The following TDP2 variants were observed in gnomAD, a reference collection of about 807,000 sequenced individuals.
TDP2 encodes the protein 5'-Tyr-DNA phosphodiesterase.
A neutral mutation model predicts 42.8 loss-of-function variants in TDP2; 38 were observed. The observed-to-expected ratio is 0.89, with a 90% CI of 0.68 to 1.16. The LOEUF (loss-of-function observed/expected upper bound fraction) is 1.16, where lower values mean the gene tolerates loss of function less well. TDP2 is among the 50% of genes most tolerant of loss of function. TDP2 has a pLI of 0.00. For synonymous variants in TDP2, 173 were observed against 150.6 expected (o/e 1.15, Z -1.09); for missense variants, 439 against 439.3 (o/e 1.00, Z 0.01).
intron 2 of TDP2, among the ~76,000 whole-genome samples, chr6:24,664,845 A>C (rs1410322060): frequency 6.6e-6 from 1 of 152,170 alleles, no homozygotes; most frequent in Non-Finnish European, 1.5e-5. Flanking sequence ...ACCACAGCCT[A>C]ATCAACACCT....
chr6:24,665,000 T>C (rs527545938), intron 2 of TDP2, among the ~76,000 whole-genome samples: 1 of 152,310 alleles, frequency 6.6e-6, no homozygotes, highest in Admixed American at 6.5e-5. Context: ...TACAATATAG[T>C]CTGTTGCAAC....
intron 2 of TDP2, among the ~76,000 whole-genome samples, chr6:24,660,554 T>C (rs1778125081): frequency 6.6e-6 from 1 of 152,250 alleles, no homozygotes; most frequent in Non-Finnish European, 1.5e-5. Flanking sequence ...TGCAGTTTGT[T>C]GTCAATAGAG....
At chr6:24,663,205 T>C (rs2127618721) in intron 2 of TDP2, among the ~76,000 whole-genome samples, 1 of 152,302 alleles carries the variant, frequency 6.6e-6, no homozygotes, top group South Asian at 2.1e-4. Context: ...ATCTATTAGC[T>C]CACTTAATCC....
At chr6:24,651,632 C>T (rs1227001457) in intron 6 of TDP2, among the ~76,000 whole-genome samples, 2 of 15,550 alleles carry the variant, frequency 1.3e-4, no homozygotes, top group African/African-American at 4.1e-4. Context: ...CACTCTGTTG[C>T]CCAGGATGGA....
chr6:24,666,575 C>T lies in TDP2; in HGVS notation c.202G>A (p.Glu68Lys), dbSNP rs762798149. 1 of 1,614,216 alleles carries T rather than the reference C, an allele frequency of 6.2e-7. No homozygotes were observed. Among genetic ancestry groups the T allele is most frequent in the East Asian group, 2.2e-5 (1 of 44,892 alleles). Residue 68 changes from glutamate to lysine, a missense_variant, in exon 2 of 7, where the codon GAG becomes AAG. Physicochemically the swap from Glu to Lys is moderately conservative, Grantham distance 56. Coordinates refer to ENST00000378198, the MANE Select transcript of TDP2 (RefSeq NM_016614.3). ...LNSYFEPPVE[E>K]SALERRPETI... ...TCAGGTCGGCGTTCCAAGGCGCTCT[C>T]CTCCACCGGAGGCTCGAAGTAGGAG...
intron 2 of TDP2, among the ~76,000 whole-genome samples, chr6:24,664,853 C>T (rs1778205299): frequency 6.6e-6 from 1 of 152,172 alleles, no homozygotes; most frequent in South Asian, 2.1e-4. Context: ...CTAATCAACA[C>T]CTTTGCTTGT....
chr6:24,657,157 T>C (rs1296660892), intron 4 of TDP2, among the ~76,000 whole-genome samples: 1 of 152,238 alleles, frequency 6.6e-6, no homozygotes, highest in African/African-American at 2.4e-5. Context: ...CCTCTGTATC[T>C]GCATCCACAA....
At chr6:24,659,709 T>C (rs1443774455) in intron 2 of TDP2, among the ~76,000 whole-genome samples, 1 of 152,230 alleles carries the variant, frequency 6.6e-6, no homozygotes, top group African/African-American at 2.4e-5. Flanking sequence ...GAACTGCAAA[T>C]TCTTTGCTAC....
Position 24,666,560 on chromosome 6 carries a change from G to C in TDP2, c.217C>G (p.Arg73Gly). ...GGCTCAGAGATGGTTTCAGGTCGGC[G>C]TTCCAAGGCGCTCTCCTCCACCGGA... is the stretch of plus-strand genomic sequence containing the variant. ...EPPVEESALE[R>G]RPETISEPKT... Residue 73 changes from arginine to glycine, a missense_variant, in exon 2 of 7, where the codon CGC becomes GGC. Arg to Gly is a moderately radical substitution (Grantham distance 125). Transcript: ENST00000378198. The C allele has an allele frequency of 6.2e-7, 1 of 1,614,128 alleles. No individual in the cohort carries two copies. The highest frequency in any genetic ancestry group is 8.5e-7 in the Non-Finnish European group (1 of 1,179,980).
intron 5 of TDP2, 137 bp downstream of exon 5, chr6:24,654,275 G>C (rs1778023016): frequency 2.0e-6 from 1 of 490,210 alleles, no homozygotes; most frequent in African/African-American, 2.0e-5. Context: ...TTTAGAGAGT[G>C]TTAAAGACTA....
In TDP2 at chr6:24,666,302, C is replaced by T. The variant is rs552394171; in HGVS notation, c.251+224G>A. ...CATTTCCATCTTTTCCTCCCTGGACCCCAAATCACGTTCGAAGCGACAGTC... is the reference window on the plus strand; with the variant it reads ...CATTTCCATCTTTTCCTCCCTGGACTCCAAATCACGTTCGAAGCGACAGTC... On this transcript the variant is annotated intron_variant, in intron 2 of 6. Coordinates refer to ENST00000378198, the MANE Select transcript of TDP2 (RefSeq NM_016614.3). 1.2e-5 allele frequency: 19 copies of T among 1,528,852 alleles called. No individual in the cohort carries two copies. The South Asian group carries it at 2.1e-4, about 17-fold the overall frequency. The allele number at this position is 1,528,852 out of a possible 1,614,324, so 94.7% of individuals were successfully genotyped here. A position where few individuals can be genotyped will look rare whatever the true frequency, so the allele number is the denominator to read the frequency against.
intron 2 of TDP2, among the ~76,000 whole-genome samples, chr6:24,664,637 T>C (rs551658886): frequency 8.5e-5 from 13 of 152,294 alleles, no homozygotes; most frequent in Admixed American, 6.5e-4. Flanking sequence ...CAGGGTTGAG[T>C]TTTTCTGGTC....
intron 3 of TDP2, 91 bp from the exon 4 acceptor site, chr6:24,657,994 A>T: frequency 1.2e-6 from 1 of 842,342 alleles, no homozygotes; most frequent in Non-Finnish European, 1.9e-6. Context: ...CATACCAAAA[A>T]CAAAAAACCC....
intron 2 of TDP2, among the ~76,000 whole-genome samples, chr6:24,660,859 A>G (rs1318252005): frequency 6.6e-6 from 1 of 152,208 alleles, no homozygotes; most frequent in Non-Finnish European, 1.5e-5. Context: ...AATGTCCTTC[A>G]GATTGGGCTT....
Position 24,666,720 on chromosome 6 carries a change from G to C in TDP2, c.143C>G (p.Ala48Gly), listed in dbSNP as rs777996628. 1.2e-5 allele frequency: 20 copies of C among 1,614,250 alleles called. No homozygotes were observed. The highest frequency in any genetic ancestry group is 1.7e-5 in the Non-Finnish European group (20 of 1,180,046). The change falls in exon 1 of 7, where the codon GCC (alanine) becomes GGC (glycine). Residue 48 changes from alanine to glycine, a missense_variant. By Grantham distance (60) the Ala-to-Gly change is moderately conservative (BLOSUM62 0). Coordinates refer to ENST00000378198, the MANE Select transcript of TDP2 (RefSeq NM_016614.3). ...TACTTCCATCTCCCAGTCGTTCTCG[G>C]CCAGGAAGCACTGAGCCACTGCGGC... ...CDAAVAQCFL[A>G]ENDWEMERAL...
In TDP2 at chr6:24,666,561, T is replaced by C. The variant is rs1213322053; in HGVS notation, c.216A>G (p.Glu72=). Residue 72 remains glutamate, a synonymous_variant, in exon 2 of 7, where the codon GAA becomes GAG. Coordinates refer to ENST00000378198, the MANE Select transcript of TDP2 (RefSeq NM_016614.3). ...GCTCAGAGATGGTTTCAGGTCGGCG[T>C]TCCAAGGCGCTCTCCTCCACCGGAG... The part of the protein sequence containing the change: ...FEPPVEESAL[E]RRPETISEPK... 6.2e-7 allele frequency: 1 copy of C among 1,613,930 alleles called. No homozygotes were observed. The highest frequency in any genetic ancestry group is 8.5e-7 in the Non-Finnish European group (1 of 1,179,962).
rs1324504135 is a variant in TDP2 at position 24,666,559 on chromosome 6, C to T, written c.218G>A (p.Arg73His). 2 of 1,614,110 alleles carry T rather than the reference C, an allele frequency of 1.2e-6. No individual in the cohort carries two copies. Among genetic ancestry groups the T allele is most frequent in the Non-Finnish European group, 1.7e-6 (2 of 1,179,966 alleles). ...GGGCTCAGAGATGGTTTCAGGTCGG[C>T]GTTCCAAGGCGCTCTCCTCCACCGG... ...EPPVEESALE[R>H]RPETISEPKT... The change falls in exon 2 of 7, where the codon CGC (arginine) becomes CAC (histidine). Residue 73 changes from arginine (R) to histidine (H), a missense_variant. Coordinates refer to ENST00000378198, the MANE Select transcript of TDP2 (RefSeq NM_016614.3).
intron 4 of TDP2, 58 bp downstream of exon 4, chr6:24,657,754 T>C: frequency 9.9e-7 from 1 of 1,011,312 alleles, no homozygotes; most frequent in Non-Finnish European, 1.5e-6. Flanking sequence ...CTTTGATTTA[T>C]CTCTTTCACT....
Position 24,650,977 on chromosome 6 carries a change from T to C in TDP2, c.900A>G (p.Gln300=), listed in dbSNP as rs765989075. The change falls in exon 7 of 7, where the codon CAA becomes CAG. Residue 300 remains glutamine (Q), a synonymous_variant. Coordinates refer to ENST00000378198, the MANE Select transcript of TDP2 (RefSeq NM_016614.3). ...CAGTTATTCCAAGATTAGAGTTCATTTGTGTATCCCATGTATACTGGCAAT... is the reference window on the plus strand; with the variant it reads ...CAGTTATTCCAAGATTAGAGTTCATCTGTGTATCCCATGTATACTGGCAAT... The part of the protein sequence containing the change: ...PKHCQYTWDT[Q]MNSNLGITAA... The C allele has an allele frequency of 6.8e-6, 11 of 1,614,064 alleles. No homozygotes were observed. Among genetic ancestry groups the C allele is most frequent in the Admixed American group, 6.7e-5 (4 of 60,004 alleles).
Sources: gnomAD v4.1 joint callset for allele counts (sites outside exome capture counted in the v4.1 genomes callset) on GRCh38, gnomAD v4.1.1 for gene constraint, MANE v1.5 for transcripts, NCBI Gene and HGNC (gene_info 2026-07-23, HGNC 2026-07-21) for gene names.